RABGAP1L: variants seen among roughly 807,000 people sequenced by gnomAD.
The protein encoded by RABGAP1L is rab GTPase-activating protein 1-like.
A neutral mutation model predicts 137.7 loss-of-function variants in RABGAP1L; 63 were observed. The observed-to-expected ratio is 0.46, with a 90% confidence interval of 0.37 to 0.56. The LOEUF is 0.56. RABGAP1L is among the 20% of genes least tolerant of loss of function. The pLI, the probability that RABGAP1L is intolerant of heterozygous loss-of-function variation, is 0.00. For synonymous variants in RABGAP1L, 431 were observed against 433.7 expected, an observed-to-expected ratio of 0.99 and a Z score of 0.08; for missense variants, 1,095 against 1,244.0, an observed-to-expected ratio of 0.88 and a Z score of 1.80.
At chr1:174,862,342 C>T (rs1410763283) in intron 19 of RABGAP1L, among the ~76,000 whole-genome samples, 1 of 151,814 alleles carries the variant, frequency 6.6e-6, no homozygotes, top group Non-Finnish European at 1.5e-5. Context: ...TGTGACATAC[C>T]CTGAAACTGG....
chr1:174,595,608 C>T (rs1024280467), intron 13 of RABGAP1L, among the ~76,000 whole-genome samples: 2 of 149,692 alleles, frequency 1.3e-5, no homozygotes, highest in African/African-American at 5.0e-5. Flanking sequence ...GTTGGAATAC[C>T]CTGCGATGTG....
chr1:174,954,994 A>C (rs557732719), intron 19 of RABGAP1L, among the ~76,000 whole-genome samples: 2 of 152,348 alleles, frequency 1.3e-5, no homozygotes, highest in South Asian at 4.1e-4. Flanking sequence ...ATCAAAGCCA[A>C]GAAAAATAAT....
intron 19 of RABGAP1L, among the ~76,000 whole-genome samples, chr1:174,887,125 A>G (rs1022462853): frequency 2.6e-5 from 4 of 152,160 alleles, no homozygotes; most frequent in African/African-American, 9.7e-5. Flanking sequence ...GCTTTTGTCC[A>G]TGTTCCATTG....
At chr1:174,695,085 G>A (rs1033080519) in intron 15 of RABGAP1L, among the ~76,000 whole-genome samples, 2 of 152,090 alleles carry the variant, frequency 1.3e-5, no homozygotes, top group Non-Finnish European at 2.9e-5. Context: ...GTTCATTGTA[G>A]ATTCTGGATA....
intron 14 of RABGAP1L, among the ~76,000 whole-genome samples, chr1:174,648,935 A>T (rs1369144315): frequency 6.6e-6 from 1 of 152,016 alleles, no homozygotes; most frequent in Admixed American, 6.6e-5. Context: ...TGTTGAATTG[A>T]TCCCTTTACC....
intron 13 of RABGAP1L, among the ~76,000 whole-genome samples, chr1:174,503,264 G>A (rs1270236058): frequency 6.6e-6 from 1 of 152,170 alleles, no homozygotes. Flanking sequence ...GAATTGTCAA[G>A]AAAGAATCCA....
At chr1:174,836,756 C>T (rs1043788648) in intron 19 of RABGAP1L, among the ~76,000 whole-genome samples, 4 of 152,152 alleles carry the variant, frequency 2.6e-5, no homozygotes, top group Non-Finnish European at 5.9e-5. Flanking sequence ...TTGGCTTCAT[C>T]GCTCCTTCTC....
At chr1:174,862,934 G>A (rs938122949) in intron 19 of RABGAP1L, among the ~76,000 whole-genome samples, 3 of 150,464 alleles carry the variant, frequency 2.0e-5, no homozygotes, top group Non-Finnish European at 4.4e-5. Flanking sequence ...TTGCTGTGTC[G>A]CCCAGGTTGG....
intron 19 of RABGAP1L, among the ~76,000 whole-genome samples, chr1:174,952,040 GTTCTT>G (rs1364232374): frequency 2.0e-5 from 3 of 152,122 alleles, no homozygotes; most frequent in Non-Finnish European, 4.4e-5. Context: ...CTGTGTGTAA[GTTCTT>G]TTCAAGTTAC....
intron 1 of RABGAP1L, among the ~76,000 whole-genome samples, chr1:174,170,444 G>A (rs1003428309): frequency 6.6e-6 from 1 of 152,016 alleles, no homozygotes; most frequent in Non-Finnish European, 1.5e-5. Flanking sequence ...TTGGAAGTCC[G>A]AGGCGGGCAG....
intron 13 of RABGAP1L, among the ~76,000 whole-genome samples, chr1:174,566,847 C>T (rs1667618257): frequency 6.6e-6 from 1 of 151,968 alleles, no homozygotes; most frequent in Admixed American, 6.6e-5. Flanking sequence ...TTGCTATTGG[C>T]CACAGGTTTG....
intron 19 of RABGAP1L, among the ~76,000 whole-genome samples, chr1:174,910,097 C>T (rs1231811031): frequency 2.6e-5 from 4 of 152,002 alleles, no homozygotes; most frequent in African/African-American, 7.2e-5. Flanking sequence ...TGAGATTTCG[C>T]GACTGCACTC....
chr1:174,350,161 A>C, intron 11 of RABGAP1L, among the ~76,000 whole-genome samples: 1 of 124,734 alleles, frequency 8.0e-6, no homozygotes, highest in Admixed American at 7.7e-5. Context: ...TCCCTCCCGG[A>C]TGGGGCGGCT....
chr1:174,313,093 A>G (rs886986794), intron 11 of RABGAP1L, among the ~76,000 whole-genome samples: 1 of 152,006 alleles, frequency 6.6e-6, no homozygotes, highest in African/African-American at 2.4e-5. Flanking sequence ...ACGCCTGGCT[A>G]ATTTTTTGTA....
intron 13 of RABGAP1L, among the ~76,000 whole-genome samples, chr1:174,595,733 C>G (rs1303463321): frequency 2.0e-5 from 2 of 101,750 alleles, no homozygotes; most frequent in East Asian, 2.8e-4. Flanking sequence ...CAGCTGCGTG[C>G]TGGGAGAACC....
At chr1:174,347,698 G>A (rs1464632644) in intron 11 of RABGAP1L, among the ~76,000 whole-genome samples, 1 of 152,252 alleles carries the variant, frequency 6.6e-6, no homozygotes, top group East Asian at 1.9e-4. Flanking sequence ...GTTTCACCGT[G>A]TTAGCCAGGA....
chr1:174,464,741 C>A (rs1223653725), intron 13 of RABGAP1L, among the ~76,000 whole-genome samples: 3 of 151,706 alleles, frequency 2.0e-5, no homozygotes, highest in African/African-American at 7.3e-5. Context: ...TTTTAAGATT[C>A]TTTCTCTGGG....
chr1:174,294,677 A>G (rs1488975126), intron 10 of RABGAP1L, among the ~76,000 whole-genome samples: 1 of 152,160 alleles, frequency 6.6e-6, no homozygotes, highest in Non-Finnish European at 1.5e-5. Context: ...CAAGATAAGA[A>G]ATGATGATAG....
intron 18 of RABGAP1L, among the ~76,000 whole-genome samples, chr1:174,796,890 C>T (rs1388819210): frequency 2.6e-5 from 4 of 151,926 alleles, no homozygotes; most frequent in Non-Finnish European, 1.5e-5. Context: ...GCTTGTAATT[C>T]CAGCTACTCG....
Sources: allele counts gnomAD v4.1 joint callset (sites outside exome capture counted in the v4.1 genomes callset), GRCh38; gene constraint gnomAD v4.1.1; transcripts MANE v1.5; gene names NCBI Gene and HGNC (gene_info 2026-07-23, HGNC 2026-07-21).